The following COL28A1 variants were observed in gnomAD, a reference collection of about 807,000 sequenced individuals.
COL28A1 encodes the protein collagen alpha-1(XXVIII) chain.
A neutral mutation model predicts 150.2 loss-of-function variants in COL28A1; 161 were observed. The ratio of observed to expected loss-of-function variants is 1.07; its 90% CI spans 0.94 to 1.22. The LOEUF (loss-of-function observed/expected upper bound fraction) is 1.22, where lower values mean the gene tolerates loss of function less well. Ranked by LOEUF, COL28A1 falls within the 50% of genes most tolerant of loss-of-function variation. The pLI, the probability that COL28A1 is intolerant of heterozygous loss-of-function variation, is 0.00. For synonymous variants in COL28A1, 552 were observed against 469.7 expected, an observed-to-expected ratio of 1.18 and a Z score of -2.26; for missense variants, 1,617 against 1,388.3, an observed-to-expected ratio of 1.16 and a Z score of -2.62.
At chr7:7,363,092 A>G (rs924147515) in intron 33 of COL28A1, among the ~76,000 whole-genome samples, 1 of 152,182 alleles carries the variant, frequency 6.6e-6, no homozygotes, top group Non-Finnish European at 1.5e-5. Flanking sequence ...GCCTGCATGT[A>G]TTTGGTTTTA....
intron 8 of COL28A1, among the ~76,000 whole-genome samples, chr7:7,513,562 C>G (rs963390514): frequency 2.6e-5 from 4 of 152,196 alleles, no homozygotes; most frequent in Admixed American, 2.6e-4. Context: ...TGAGCTTTCA[C>G]TTAGAACAAG....
chr7:7,367,673 G>T (rs1340481197), intron 33 of COL28A1, among the ~76,000 whole-genome samples: 2 of 151,964 alleles, frequency 1.3e-5, no homozygotes, highest in Admixed American at 1.3e-4. Flanking sequence ...AATGTCATTT[G>T]TCTCTCAAGG....
At chr7:7,465,164 C>T (rs1370687271) in intron 15 of COL28A1, among the ~76,000 whole-genome samples, 3 of 150,284 alleles carry the variant, frequency 2.0e-5, no homozygotes, top group Non-Finnish European at 3.0e-5. Flanking sequence ...ACGCAGAAGA[C>T]GGGTGATTTC....
At chr7:7,435,333 T>C (rs112052049) in intron 23 of COL28A1, among the ~76,000 whole-genome samples, 5 of 152,374 alleles carry the variant, frequency 3.3e-5, no homozygotes, top group African/African-American at 1.2e-4. Context: ...GAAAATTTGC[T>C]ATTGTCCCCA....
In COL28A1 at chr7:7,531,774, G is replaced by T. The variant is rs1782376272; in HGVS notation, c.255C>A (p.Arg85=). 6 of 1,606,652 alleles carry T rather than the reference G, an allele frequency of 3.7e-6. No individual in the cohort carries two copies. Among genetic ancestry groups the T allele is most frequent in the Non-Finnish European group, 4.3e-6 (5 of 1,173,312 alleles). ...SDKIFQLTPG[R]SLEYDIKLAA... ...CCAGTTTGATGTCATATTCCAAGGAGCGACCAGGAGTCAATTGGAAAATCT... is the reference window on the plus strand; with the variant it reads ...CCAGTTTGATGTCATATTCCAAGGATCGACCAGGAGTCAATTGGAAAATCT... The change falls in exon 3 of 35, where the codon CGC becomes CGA. Residue 85 remains arginine, a synonymous_variant. Coordinates refer to ENST00000399429, the MANE Select transcript of COL28A1 (RefSeq NM_001037763.3).
At chr7:7,461,135 A>AC (rs1310425068) in intron 15 of COL28A1, among the ~76,000 whole-genome samples, 1 of 152,172 alleles carries the variant, frequency 6.6e-6, no homozygotes, top group Admixed American at 6.5e-5. Context: ...CTGAACACAT[A>AC]CCCCCACTGG....
At chr7:7,342,729 T>C in the COL28A1 span, among the ~76,000 whole-genome samples, 12 of 152,238 alleles carry the variant, frequency 7.9e-5, no homozygotes, top group African/African-American at 2.2e-4. Context: ...TTTGGATTTA[T>C]ACATTACCAT....
chr7:7,349,497 T>C, the COL28A1 span, among the ~76,000 whole-genome samples: 1 of 152,142 alleles, frequency 6.6e-6, no homozygotes, highest in African/African-American at 2.4e-5. Context: ...CTAAGTTTTC[T>C]TTCTGTGAAA....
At chr7:7,493,012 A>G (rs76335518) in intron 11 of COL28A1, among the ~76,000 whole-genome samples, 1 of 147,886 alleles carries the variant, frequency 6.8e-6, no homozygotes, top group African/African-American at 2.5e-5. Flanking sequence ...ATACATATAT[A>G]ACAGGTATAT....
At chr7:7,500,862 G>A (rs772091968) in intron 11 of COL28A1, among the ~76,000 whole-genome samples, 4 of 152,090 alleles carry the variant, frequency 2.6e-5, no homozygotes, top group Non-Finnish European at 5.9e-5. Flanking sequence ...GAAAAGTAGG[G>A]TATCCAAAAA....
chr7:7,410,621 A>G (rs1357710296), intron 27 of COL28A1, among the ~76,000 whole-genome samples: 1 of 149,954 alleles, frequency 6.7e-6, no homozygotes, highest in Non-Finnish European at 1.5e-5. Context: ...TTTTACTACT[A>G]CCAAGATTGG....
Position 7,375,078 on chromosome 7 carries a change from C to G in COL28A1, c.2359+383G>C, listed in dbSNP as rs529890000. Among the ~76,000 whole-genome samples, 11 of 152,308 alleles carry G rather than the reference C, an allele frequency of 7.2e-5. No individual in the cohort carries two copies. The South Asian group carries it at 1.2e-3, about 17-fold the overall frequency. On this transcript the variant is annotated intron_variant, in intron 31 of 34. Transcript: ENST00000399429. ...TGGCTTCGGGAAAAACACAGACATT[C>G]TAATCACCAGCTAGGCTGGACTCAA...
chr7:7,532,879 G>A lies in COL28A1; in HGVS notation c.-4C>T. The stretch of plus-strand genomic sequence containing the variant: ...AGACAAAATATCTGTTCCACATTAT[G>A]GTAGATGGTGAAAAATCATCTGTCT... On this transcript the variant is annotated 5_prime_UTR_variant, in exon 2 of 35. Coordinates refer to ENST00000399429, the MANE Select transcript of COL28A1 (RefSeq NM_001037763.3). 1 of 1,593,086 alleles carries A rather than the reference G, an allele frequency of 6.3e-7. No homozygotes were observed. The highest frequency in any genetic ancestry group is 8.5e-7 in the Non-Finnish European group (1 of 1,173,848).
intron 11 of COL28A1, among the ~76,000 whole-genome samples, chr7:7,499,419 A>G (rs1780399308): frequency 6.6e-6 from 1 of 152,224 alleles, no homozygotes; most frequent in Non-Finnish European, 1.5e-5. Context: ...AGTACCCTAC[A>G]CTTAAAATAG....
rs556479848 is a variant in COL28A1, at chr7:7,386,401, A to C, written c.2137-4789T>G. Among the ~76,000 whole-genome samples, 6 of 152,348 alleles carry C rather than the reference A, an allele frequency of 3.9e-5. No homozygotes were observed. The East Asian group carries it at 1.2e-3, about 29-fold the overall frequency. ...CTCTCATTCTTAAAGCCCCAACAACAAAAAATGAGAACTAATCTGTGAAGT... is the reference window on the plus strand; with the variant it reads ...CTCTCATTCTTAAAGCCCCAACAACCAAAAATGAGAACTAATCTGTGAAGT... On this transcript the variant is annotated intron_variant, in intron 27 of 34. Coordinates refer to ENST00000399429, the MANE Select transcript of COL28A1 (RefSeq NM_001037763.3).
intron 33 of COL28A1, among the ~76,000 whole-genome samples, chr7:7,360,969 T>C (rs889797290): frequency 6.6e-6 from 1 of 152,210 alleles, no homozygotes; most frequent in Non-Finnish European, 1.5e-5. Context: ...GTCTTAACAA[T>C]ATATTCCAAA....
At chr7:7,502,175 C>T (rs1354965487) in intron 11 of COL28A1, among the ~76,000 whole-genome samples, 1 of 152,200 alleles carries the variant, frequency 6.6e-6, no homozygotes, top group Non-Finnish European at 1.5e-5. Flanking sequence ...GCTGGGATTA[C>T]AGGCGTGAGC....
At chr7:7,368,915 A>G (rs1781077910) in intron 33 of COL28A1, among the ~76,000 whole-genome samples, 1 of 152,216 alleles carries the variant, frequency 6.6e-6, no homozygotes, top group Non-Finnish European at 1.5e-5. Context: ...GCTAAAATTC[A>G]TAATGCATCT....
intron 4 of COL28A1, among the ~76,000 whole-genome samples, chr7:7,523,746 C>G (rs766668097): frequency 6.6e-6 from 1 of 152,140 alleles, no homozygotes; most frequent in Admixed American, 6.5e-5. Flanking sequence ...GCCACGTGGT[C>G]TGGTTGCCAT....
Sources: gnomAD v4.1 joint callset for allele counts (sites outside exome capture counted in the v4.1 genomes callset) on GRCh38, gnomAD v4.1.1 for gene constraint, MANE v1.5 for transcripts, NCBI Gene and HGNC (gene_info 2026-07-23, HGNC 2026-07-21) for gene names.